The following SRP54 variants were observed in gnomAD, a reference collection of about 807,000 sequenced individuals.
SRP54 encodes the protein signal recognition particle 54.
In SRP54, 10 loss-of-function variants were observed where a neutral mutation model predicts 64.8. That is an observed-to-expected ratio of 0.15 (90% CI 0.10 to 0.26). The LOEUF is 0.26. Ranked by LOEUF, SRP54 falls within the 10% of genes least tolerant of loss-of-function variation. SRP54 has a pLI of 1.00. For synonymous variants in SRP54, 193 were observed against 185.6 expected, an observed-to-expected ratio of 1.04 and a Z score of -0.32; for missense variants, 325 against 613.7, an observed-to-expected ratio of 0.53 and a Z score of 4.97.
At chr14:34,986,437 A>C (rs2043896841) in intron 1 of SRP54, among the ~76,000 whole-genome samples, 1 of 152,200 alleles carries the variant, frequency 6.6e-6, no homozygotes, top group African/African-American at 2.4e-5. Flanking sequence ...GTAAATGAAT[A>C]CAAGTGGCAG....
At chr14:35,001,175 CTTTTTTT>C (rs10637082) in intron 4 of SRP54, among the ~76,000 whole-genome samples, 155 bp downstream of exon 4, 1 of 129,466 alleles carries the variant, frequency 7.7e-6, no homozygotes, top group Non-Finnish European at 1.6e-5. Flanking sequence ...TCTTAGGGAC[CTTTTTTT>C]TTTTTTTTTT....
chr14:35,027,505 C>T (rs2044651481), intron 14 of SRP54, among the ~76,000 whole-genome samples: 1 of 152,188 alleles, frequency 6.6e-6, no homozygotes, highest in African/African-American at 2.4e-5. Context: ...CACCTGTAAT[C>T]CCAGCACTCT....
chr14:35,008,094 ATC>A (rs2044296281), intron 5 of SRP54, among the ~76,000 whole-genome samples: 2 of 152,152 alleles, frequency 1.3e-5, no homozygotes, highest in South Asian at 4.1e-4. Context: ...CATACTATAG[ATC>A]TTCATTTTGT....
intron 5 of SRP54, among the ~76,000 whole-genome samples, 155 bp downstream of exon 5, chr14:35,007,542 ATAAT>A (rs2044277212): frequency 6.8e-6 from 1 of 146,990 alleles, no homozygotes; most frequent in African/African-American, 2.5e-5. Context: ...TATATTATAA[ATAAT>A]GTTATTTTAT....
chr14:34,985,013 G>A (rs1297883191), intron 1 of SRP54, among the ~76,000 whole-genome samples: 1 of 150,962 alleles, frequency 6.6e-6, no homozygotes, highest in Non-Finnish European at 1.5e-5. Flanking sequence ...TGAATTTTGT[G>A]ATACAAGTAG....
At chr14:35,027,241 G>C (rs2044645786) in intron 14 of SRP54, among the ~76,000 whole-genome samples, 1 of 151,868 alleles carries the variant, frequency 6.6e-6, no homozygotes, top group Non-Finnish European at 1.5e-5. Context: ...CGTTGGCTAG[G>C]CTGGTCTCGA....
intron 4 of SRP54, among the ~76,000 whole-genome samples, chr14:35,002,296 G>A (rs2044186241): frequency 6.6e-6 from 1 of 152,092 alleles, no homozygotes; most frequent in African/African-American, 2.4e-5. Context: ...CGGGGGTGCA[G>A]TGAGCCGTGA....
At chr14:34,997,240 T>G (rs1377827567) in intron 2 of SRP54, among the ~76,000 whole-genome samples, 1 of 152,198 alleles carries the variant, frequency 6.6e-6, no homozygotes, top group East Asian at 1.9e-4. Context: ...TGATTCATTT[T>G]CTTTGAAATC....
Position 34,999,665 on chromosome 14 carries a change from C to G in SRP54, c.170+16C>G. 6.4e-7 allele frequency: 1 copy of G among 1,560,574 alleles called. No individual in the cohort carries two copies. The highest frequency in any genetic ancestry group is 1.1e-5 in the South Asian group (1 of 89,910). On this transcript the variant is annotated intron_variant, in intron 3 of 15. Transcript: ENST00000216774. Reference sequence around the variant, plus strand: ...AAAATGTTAAGTAAGTTAAATCAATCAGGTAAAACACAGGCACAGTTTAGT... The same window carrying G: ...AAAATGTTAAGTAAGTTAAATCAATGAGGTAAAACACAGGCACAGTTTAGT...
intron 3 of SRP54, 197 bp downstream of exon 3, chr14:34,999,846 A>G (rs902016173): frequency 5.1e-6 from 2 of 394,098 alleles, no homozygotes; most frequent in Non-Finnish European, 9.2e-6. Flanking sequence ...AATAAACTAC[A>G]TGTGATTTTC....
chr14:35,025,151 C>T (rs1482370718), intron 14 of SRP54, among the ~76,000 whole-genome samples: 2 of 152,090 alleles, frequency 1.3e-5, no homozygotes, highest in African/African-American at 4.8e-5. Flanking sequence ...CTGTTCCAGT[C>T]CTCTTTTTGA....
At chr14:35,021,926 A>T (rs1439049567) in intron 13 of SRP54, among the ~76,000 whole-genome samples, 3 of 152,228 alleles carry the variant, frequency 2.0e-5, no homozygotes, top group Admixed American at 6.5e-5. Flanking sequence ...GATTGCATGC[A>T]ACTGAAGCTA....
chr14:35,007,084 T>C (rs2044268443), intron 4 of SRP54, among the ~76,000 whole-genome samples, 199 bp from the exon 5 acceptor site: 1 of 152,072 alleles, frequency 6.6e-6, no homozygotes, highest in Non-Finnish European at 1.5e-5. Flanking sequence ...TCCCAGTTAC[T>C]TGGGAGGCTG....
intron 13 of SRP54, among the ~76,000 whole-genome samples, 165 bp from the exon 14 acceptor site, chr14:35,022,743 CTG>C (rs1566656524): frequency 1.3e-5 from 2 of 152,132 alleles, no homozygotes; most frequent in Admixed American, 6.6e-5. Context: ...TGTATTATGT[CTG>C]TTTTTCTGTA....
intron 13 of SRP54, 64 bp downstream of exon 13, chr14:35,019,138 A>G: frequency 1.7e-6 from 2 of 1,157,108 alleles, no homozygotes; most frequent in Middle Eastern, 2.2e-4. Flanking sequence ...TGAGAGTTTC[A>G]CTGTATTCTT....
At chr14:35,022,835 A>C in intron 13 of SRP54, 75 bp from the exon 14 acceptor site, 1 of 1,229,482 alleles carries the variant, frequency 8.1e-7, no homozygotes, top group Non-Finnish European at 1.1e-6. Context: ...TTGAAGTTAT[A>C]TATTGCCCAT....
intron 13 of SRP54, 39 bp from the exon 14 acceptor site, chr14:35,022,871 A>AT (rs757461778): frequency 6.6e-7 from 1 of 1,525,664 alleles, no homozygotes; most frequent in South Asian, 1.3e-5. Flanking sequence ...TTGATGGTGA[A>AT]TGATAATTGT....
At position 34,999,656 on chromosome 14, in the gene SRP54, TAAATC is replaced by T. The variant is rs1294602290; in HGVS notation, c.170+10_170+14del. ...AACTAAGAGAAAATGTTAAGTAAGTTAAATCAATCAGGTAAAACACAGGCACAGTT... is the reference window on the plus strand; with the variant it reads ...AACTAAGAGAAAATGTTAAGTAAGTTAATCAGGTAAAACACAGGCACAGTT... On this transcript the variant is annotated splice_region_variant and intron_variant, in intron 3 of 15. Coordinates refer to ENST00000216774, the MANE Select transcript of SRP54 (RefSeq NM_003136.4). The T allele has an allele frequency of 1.3e-6, 2 of 1,591,710 alleles. No individual in the cohort carries two copies. Among genetic ancestry groups the T allele is most frequent in the Non-Finnish European group, 1.7e-6 (2 of 1,160,164 alleles).
At chr14:34,999,493 T>C in intron 2 of SRP54, 65 bp from the exon 3 acceptor site, 1 of 1,234,458 alleles carries the variant, frequency 8.1e-7, no homozygotes, top group African/African-American at 1.5e-5. Context: ...TGATCAACAA[T>C]TGTTTTTATG....
Sources: gnomAD v4.1 joint callset for allele counts (sites outside exome capture counted in the v4.1 genomes callset) on GRCh38, gnomAD v4.1.1 for gene constraint, MANE v1.5 for transcripts, NCBI Gene and HGNC (gene_info 2026-07-23, HGNC 2026-07-21) for gene names.